SLC24A2: variants seen among roughly 807,000 people sequenced by gnomAD.
The protein encoded by SLC24A2 is sodium/potassium/calcium exchanger 2.
A neutral mutation model predicts 62.0 loss-of-function variants in SLC24A2; 36 were observed. The ratio of observed to expected loss-of-function variants is 0.58; its 90% CI spans 0.44 to 0.77. The LOEUF is 0.77. Ranked by LOEUF, SLC24A2 falls within the 30% of genes least tolerant of loss-of-function variation. The pLI, the probability that SLC24A2 is intolerant of heterozygous loss-of-function variation, is 0.00. For synonymous variants in SLC24A2, 358 were observed against 294.0 expected, an observed-to-expected ratio of 1.22 and a Z score of -2.23; for missense variants, 846 against 817.9, an observed-to-expected ratio of 1.03 and a Z score of -0.42.
In SLC24A2 at chr9:19,572,468, A is replaced by G. The variant is rs180946480; in HGVS notation, c.1347+883T>C. ...ATTTCCCCTTTGCTATTCTCGTGAT[A>G]CTGAGTGGGTTCTCATGAGATCTGG... On this transcript the variant is annotated intron_variant, in intron 7 of 10. Transcript: ENST00000341998. Among the ~76,000 whole-genome samples the G allele has an allele frequency of 2.0e-4, 31 of 152,140 alleles. 1 individual carries two copies. The highest frequency in any genetic ancestry group is 7.5e-4 in the African/African-American group (31 of 41,508).
chr9:20,083,120 C>A, the SLC24A2 span, among the ~76,000 whole-genome samples: 1 of 152,240 alleles, frequency 6.6e-6, no homozygotes, highest in Non-Finnish European at 1.5e-5. Context: ...TTCAGAGCTT[C>A]TGAAACTTTT....
chr9:20,138,698 T>C, the SLC24A2 span, among the ~76,000 whole-genome samples: 2 of 152,194 alleles, frequency 1.3e-5, no homozygotes, highest in South Asian at 4.1e-4. Context: ...CTGTATTTTC[T>C]CAGGGAACTA....
At chr9:19,758,657 A>G (rs1475848363) in intron 2 of SLC24A2, among the ~76,000 whole-genome samples, 1 of 152,176 alleles carries the variant, frequency 6.6e-6, no homozygotes, top group Admixed American at 6.6e-5. Flanking sequence ...GTATATTTGA[A>G]AGGTTTTTGA....
the SLC24A2 span, among the ~76,000 whole-genome samples, chr9:20,139,808 C>A: frequency 6.6e-6 from 1 of 152,174 alleles, no homozygotes; most frequent in Non-Finnish European, 1.5e-5. Flanking sequence ...TTCTCACACA[C>A]CAGAGAACCA....
chr9:19,771,487 T>A (rs780535043), intron 2 of SLC24A2, among the ~76,000 whole-genome samples: 1 of 152,230 alleles, frequency 6.6e-6, no homozygotes, highest in Non-Finnish European at 1.5e-5. Flanking sequence ...AGATTTGTAA[T>A]GGCCCTTCAT....
chr9:19,902,543 G>T, the SLC24A2 span, among the ~76,000 whole-genome samples: 352 of 152,082 alleles, frequency 2.3e-3, 1 homozygote, highest in African/African-American at 8.1e-3. Context: ...ATCAATAACC[G>T]AAGCACCAGT....
At chr9:19,546,546 T>C (rs528626329) in intron 8 of SLC24A2, among the ~76,000 whole-genome samples, 240 of 152,204 alleles carry the variant, frequency 1.6e-3, no homozygotes, top group Non-Finnish European at 2.4e-3. Context: ...CCCACCAAGC[T>C]TGAGCATCCC....
chr9:20,210,337 T>C, the SLC24A2 span, among the ~76,000 whole-genome samples: 1 of 152,162 alleles, frequency 6.6e-6, no homozygotes, highest in Non-Finnish European at 1.5e-5. Flanking sequence ...TTTCTGACAG[T>C]AAGCAAATGG....
At chr9:19,536,204 AT>A (rs1366228562) in intron 8 of SLC24A2, among the ~76,000 whole-genome samples, 1,987 of 129,876 alleles carry the variant, frequency 0.015, 37 homozygotes, top group African/African-American at 0.047. Context: ...TTATTTATTT[AT>A]TTTTTTTTAT....
At chr9:19,996,761 A>G in the SLC24A2 span, among the ~76,000 whole-genome samples, 1 of 151,696 alleles carries the variant, frequency 6.6e-6, no homozygotes, top group Non-Finnish European at 1.5e-5. Flanking sequence ...AAAAAAAAAA[A>G]AAAAAAGGAG....
the SLC24A2 span, among the ~76,000 whole-genome samples, chr9:20,082,464 T>G: frequency 6.6e-6 from 1 of 152,236 alleles, no homozygotes; most frequent in African/African-American, 2.4e-5. Flanking sequence ...GGTGGCGGAT[T>G]TGCTGTTCTC....
At chr9:20,269,528 C>G in the SLC24A2 span, among the ~76,000 whole-genome samples, 1 of 152,160 alleles carries the variant, frequency 6.6e-6, no homozygotes, top group Non-Finnish European at 1.5e-5. Context: ...GAGGAGTGTT[C>G]TGGGTGTCTC....
chr9:20,129,298 G>T, the SLC24A2 span, among the ~76,000 whole-genome samples: 28 of 152,220 alleles, frequency 1.8e-4, no homozygotes, highest in African/African-American at 6.7e-4. Context: ...AAAGTGAGTT[G>T]GTGAAGACAA....
the SLC24A2 span, among the ~76,000 whole-genome samples, chr9:19,865,252 T>C: frequency 6.6e-6 from 1 of 152,130 alleles, no homozygotes; most frequent in Non-Finnish European, 1.5e-5. Context: ...AAAATGTCCA[T>C]ACTATCCAAA....
chr9:20,068,043 G>A, the SLC24A2 span, among the ~76,000 whole-genome samples: 1 of 128,346 alleles, frequency 7.8e-6, no homozygotes, highest in South Asian at 2.6e-4. Context: ...ACCAACATCT[G>A]TTATTTTTTG....
chr9:20,244,399 A>G, the SLC24A2 span, among the ~76,000 whole-genome samples: 2 of 152,294 alleles, frequency 1.3e-5, no homozygotes, highest in South Asian at 2.1e-4. Context: ...GCACTGAGGG[A>G]TAAAAGAGAC....
the SLC24A2 span, among the ~76,000 whole-genome samples, chr9:20,126,494 T>C: frequency 7.2e-5 from 11 of 152,302 alleles, no homozygotes; most frequent in East Asian, 2.1e-3. Context: ...TCACCATACA[T>C]GCCTACATAA....
At chr9:19,630,521 C>A (rs1379116614) in intron 2 of SLC24A2, among the ~76,000 whole-genome samples, 1 of 152,152 alleles carries the variant, frequency 6.6e-6, no homozygotes, top group African/African-American at 2.4e-5. Context: ...ATACGTATAA[C>A]TTTTCATATT....
chr9:20,212,713 T>C, the SLC24A2 span, among the ~76,000 whole-genome samples: 2 of 151,738 alleles, frequency 1.3e-5, no homozygotes, highest in African/African-American at 2.4e-5. Flanking sequence ...TAGATGTATC[T>C]CTGAAACATT....
Sources: allele counts gnomAD v4.1 joint callset (sites outside exome capture counted in the v4.1 genomes callset), GRCh38; gene constraint gnomAD v4.1.1; transcripts MANE v1.5; gene names NCBI Gene and HGNC (gene_info 2026-07-23, HGNC 2026-07-21).